Variants in MORF4L1 observed in about 807,000 individuals in gnomAD.
MORF4L1 encodes the protein mortality factor 4 like 1, also known as mortality factor 4-like protein 1.
Under a neutral mutation model 52.9 loss-of-function variants are expected in MORF4L1, and 4 were observed. The observed-to-expected ratio is 0.08, with a 90% CI of 0.04 to 0.17. MORF4L1 has a LOEUF of 0.17. Ranked by LOEUF, MORF4L1 falls within the 10% of genes least tolerant of loss-of-function variation. The probability of loss-of-function intolerance (pLI) is 1.00; values close to 1 mark genes in which losing one functional copy is unlikely to be tolerated. For synonymous variants in MORF4L1, 123 were observed against 134.8 expected, an observed-to-expected ratio of 0.91 and a Z score of 0.61; for missense variants, 214 against 390.4, an observed-to-expected ratio of 0.55 and a Z score of 3.81.
At chr15:78,891,244 A>C in intron 6 of MORF4L1, 1 of 666,536 alleles carries the variant, frequency 1.5e-6, no homozygotes, top group South Asian at 1.7e-5. Context: ...TCTCCCACTG[A>C]GAAGATAACA....
intron 7 of MORF4L1, 152 bp from the exon 8 acceptor site, chr15:78,892,060 G>A (rs1207449368): frequency 2.4e-5 from 13 of 536,918 alleles, no homozygotes; most frequent in African/African-American, 1.7e-4. Context: ...GCGTATGGTC[G>A]TTTTTATTAA....
intron 3 of MORF4L1, 131 bp from the exon 4 acceptor site, chr15:78,886,010 A>G: frequency 1.5e-6 from 1 of 661,714 alleles, no homozygotes; most frequent in Non-Finnish European, 2.7e-6. Flanking sequence ...TCTTCATTTT[A>G]GTTGAGAATA....
chr15:78,892,318 C>T lies in MORF4L1; in HGVS notation c.540+5C>T. 2 of 1,602,512 alleles carry T rather than the reference C, an allele frequency of 1.2e-6. No individual in the cohort carries two copies. Among genetic ancestry groups the T allele is most frequent in the Non-Finnish European group, 1.7e-6 (2 of 1,169,744 alleles). ...TTAATTACCAGGCAAAAACAGGTAA[C>T]TTGAAAAGCTACCCAGATTGTTAAG... is the stretch of plus-strand genomic sequence containing the variant. On this transcript the variant is annotated splice_donor_5th_base_variant and intron_variant, in intron 8 of 11. Coordinates refer to ENST00000426013, the MANE Select transcript of MORF4L1 (RefSeq NM_006791.4).
intron 9 of MORF4L1, 29 bp downstream of exon 9, chr15:78,893,656 T>G: frequency 7.1e-7 from 1 of 1,413,436 alleles, no homozygotes; most frequent in Non-Finnish European, 9.8e-7. Context: ...CAGATGACAC[T>G]CAAAAGACAT....
At chr15:78,888,066 C>T (rs1397215993) in intron 5 of MORF4L1, among the ~76,000 whole-genome samples, 1 of 152,224 alleles carries the variant, frequency 6.6e-6, no homozygotes, top group East Asian at 1.9e-4. Flanking sequence ...AGCCACTGCT[C>T]CTGGCACAAA....
chr15:78,881,188 C>CATTTTTTTT (rs777713555), intron 3 of MORF4L1, among the ~76,000 whole-genome samples: 1 of 13,760 alleles, frequency 7.3e-5, no homozygotes, highest in African/African-American at 2.4e-4. Context: ...AAGAGTTAAG[C>CATTTTTTTT]CTTTTTTTTT....
intron 2 of MORF4L1, among the ~76,000 whole-genome samples, 160 bp from the exon 3 acceptor site, chr15:78,880,352 C>A (rs2056578483): frequency 6.6e-6 from 1 of 152,196 alleles, no homozygotes; most frequent in African/African-American, 2.4e-5. Flanking sequence ...TGTGACTAAT[C>A]TTCAGTTTTG....
In MORF4L1 at chr15:78,898,076, A is replaced by G. The variant is rs1377647107; in HGVS notation, c.*1009A>G. On this transcript the variant is annotated 3_prime_UTR_variant, in exon 12 of 12. Coordinates refer to ENST00000426013, the MANE Select transcript of MORF4L1 (RefSeq NM_006791.4). ...TTACTTTTGTGGGTTTACTCTAGAA[A>G]CATGAGCCAAAAATGTCAATAGACA... is the stretch of plus-strand genomic sequence containing the variant. The G allele has an allele frequency of 1.3e-5, 2 of 152,200 alleles. No homozygotes were observed. Among genetic ancestry groups the G allele is most frequent in the Non-Finnish European group, 1.5e-5 (1 of 68,040 alleles). The allele number at this position is 152,200 out of a possible 1,614,324, so 9.4% of individuals were successfully genotyped here. A position where few individuals can be genotyped will look rare whatever the true frequency, so the allele number is the denominator to read the frequency against.
At chr15:78,873,101 G>C in intron 1 of MORF4L1, 44 bp downstream of exon 1, 3 of 1,549,128 alleles carry the variant, frequency 1.9e-6, no homozygotes, top group Non-Finnish European at 2.6e-6. Flanking sequence ...CGGCGCAGGA[G>C]ATAGAGGCGG....
intron 1 of MORF4L1, chr15:78,873,280 G>C: frequency 7.0e-7 from 1 of 1,427,630 alleles, no homozygotes; most frequent in South Asian, 1.4e-5. Context: ...TAGAGTGGGA[G>C]AGAGAGCGTT....
chr15:78,885,637 A>G (rs1037205315), intron 3 of MORF4L1, among the ~76,000 whole-genome samples: 11 of 152,128 alleles, frequency 7.2e-5, no homozygotes, highest in African/African-American at 2.7e-4. Context: ...TGTGTCAGGG[A>G]TTCTCAGGTG....
At chr15:78,886,696 C>G (rs1447545255) in intron 4 of MORF4L1, among the ~76,000 whole-genome samples, 1 of 152,214 alleles carries the variant, frequency 6.6e-6, no homozygotes, top group Non-Finnish European at 1.5e-5. Context: ...TGGCTCACGC[C>G]TGTAATCCCA....
chr15:78,876,336 T>A (rs966360700), intron 1 of MORF4L1, among the ~76,000 whole-genome samples: 7 of 152,096 alleles, frequency 4.6e-5, no homozygotes, highest in African/African-American at 1.7e-4. Context: ...GCGTGCAATA[T>A]ATGTTGTATA....
At chr15:78,891,805 A>G (rs1201526742) in intron 7 of MORF4L1, 4 of 489,510 alleles carry the variant, frequency 8.2e-6, no homozygotes, top group African/African-American at 2.0e-5. Context: ...ATGTTCACCT[A>G]CAAGACTATT....
chr15:78,877,076 A>G (rs575814430), intron 1 of MORF4L1, among the ~76,000 whole-genome samples: 2 of 145,268 alleles, frequency 1.4e-5, no homozygotes, highest in African/African-American at 5.1e-5. Context: ...AGTAGCTGGT[A>G]GCTGGGACTG....
rs920806060 is a variant in MORF4L1, at chr15:78,885,147, C to T, written c.156-994C>T. On this transcript the variant is annotated intron_variant, in intron 3 of 11. Coordinates refer to ENST00000426013, the MANE Select transcript of MORF4L1 (RefSeq NM_006791.4). The stretch of plus-strand genomic sequence containing the variant: ...TTCAGGATTGCTTTTTATTATTTTC[C>T]TCTTGGCTGTATTATATAAGAGGTC... The T allele has an allele frequency of 8.4e-6, 11 of 1,303,616 alleles. No homozygotes were observed. In the Admixed American group the frequency reaches 1.6e-4, roughly 19 times the overall value. The allele number at this position is 1,303,616 out of a possible 1,614,324, so 80.8% of individuals were successfully genotyped here. A position where few individuals can be genotyped will look rare whatever the true frequency, so the allele number is the denominator to read the frequency against.
At chr15:78,875,181 C>T (rs1040919095) in intron 1 of MORF4L1, among the ~76,000 whole-genome samples, 1 of 152,082 alleles carries the variant, frequency 6.6e-6, no homozygotes, top group Non-Finnish European at 1.5e-5. Flanking sequence ...CTATTAGGCT[C>T]GTAGGGTTTA....
intron 11 of MORF4L1, 102 bp downstream of exon 11, chr15:78,895,006 A>C: frequency 1.1e-6 from 1 of 900,018 alleles, no homozygotes; most frequent in South Asian, 1.4e-5. Flanking sequence ...ATATTGGTAC[A>C]GGCATAGATA....
rs1039641214 is a variant in MORF4L1 at position 78,880,547 on chromosome 15, A to G, written c.123A>G (p.Lys41=). The G allele has an allele frequency of 1.2e-6, 2 of 1,602,374 alleles. No individual in the cohort carries two copies. The highest frequency in any genetic ancestry group is 2.7e-5 in the African/African-American group (2 of 74,408). ...VKVAIKDKQV[K]YFIHYSGWNK... is the part of the protein sequence containing the mutation. ...TTGCCATAAAGGACAAACAAGTGAAATACTTCATACATTACAGTGGTTGGA... is the reference window on the plus strand; with the variant it reads ...TTGCCATAAAGGACAAACAAGTGAAGTACTTCATACATTACAGTGGTTGGA... Residue 41 remains lysine, a synonymous_variant, in exon 3 of 12, where the codon AAA becomes AAG. Coordinates refer to ENST00000426013, the MANE Select transcript of MORF4L1 (RefSeq NM_006791.4).
Sources: gnomAD v4.1 joint callset for allele counts (sites outside exome capture counted in the v4.1 genomes callset) on GRCh38, gnomAD v4.1.1 for gene constraint, MANE v1.5 for transcripts, NCBI Gene and HGNC (gene_info 2026-07-23, HGNC 2026-07-21) for gene names.